The following PTBP1 variants were observed in gnomAD, a reference collection of about 807,000 sequenced individuals.
The protein encoded by PTBP1 is polypyrimidine tract-binding protein 1.
Under a neutral mutation model 59.8 loss-of-function variants are expected in PTBP1, and 8 were observed. That is an observed-to-expected ratio of 0.13 (90% CI 0.08 to 0.24). The LOEUF (loss-of-function observed/expected upper bound fraction) is 0.24, where lower values mean the gene tolerates loss of function less well. Ranked by LOEUF, PTBP1 falls within the 10% of genes least tolerant of loss-of-function variation. The pLI is 1.00. For missense variants in PTBP1, 686 were observed against 767.0 expected, an observed-to-expected ratio of 0.89 and a Z score of 1.25; for synonymous variants, 490 against 320.7, an observed-to-expected ratio of 1.53 and a Z score of -5.64.
chr19:808,197 G>A lies in PTBP1; in HGVS notation c.1154-163G>A. On this transcript the variant is annotated intron_variant, in intron 11 of 14. Coordinates refer to ENST00000356948, the MANE Select transcript of PTBP1 (RefSeq NM_002819.5). The surrounding 1 kb of genome is among the most constrained non-coding windows in gnomAD (Gnocchi z 4.7). Reference sequence around the variant, plus strand: ...GACTTTGCTGAACGGAGCTGCTCCTGTTAGCGCGCCCTGTGGCTGCGAGAC... The same window carrying A: ...GACTTTGCTGAACGGAGCTGCTCCTATTAGCGCGCCCTGTGGCTGCGAGAC... The A allele has an allele frequency of 3.0e-6, 2 of 673,026 alleles. No individual in the cohort carries two copies. Among genetic ancestry groups the A allele is most frequent in the South Asian group, 3.6e-5 (2 of 55,286 alleles). 41.7% of individuals were successfully genotyped at this position (673,026 alleles called of 1,614,324 possible). A position where few individuals can be genotyped will look rare whatever the true frequency, so the allele number is the denominator to read the frequency against.
At position 804,102 on chromosome 19, in the gene PTBP1, T is replaced by C; in HGVS notation, c.182T>C (p.Ile61Thr). Residue 61 changes from isoleucine (I) to threonine (T), a missense_variant, in exon 4 of 15, where the codon ATC becomes ACC. Transcript: ENST00000356948. ...AGTGCAGGCGTCCCCTCTAGAGTGATCCACATCCGGAAGCTCCCCATCGAC... is the reference window on the plus strand; with the variant it reads ...AGTGCAGGCGTCCCCTCTAGAGTGACCCACATCCGGAAGCTCCCCATCGAC... Reference protein sequence around the residue: ...SRSAGVPSRVIHIRKLPIDVT... With the variant: ...SRSAGVPSRVTHIRKLPIDVT... The C allele has an allele frequency of 6.2e-7, 1 of 1,613,976 alleles. No homozygotes were observed. The highest frequency in any genetic ancestry group is 8.5e-7 in the Non-Finnish European group (1 of 1,179,954).
In PTBP1 at chr19:804,921, C is replaced by T. The variant is rs12151090; in HGVS notation, c.699C>T (p.Ser233=). 3.5e-3 allele frequency: 5,678 copies of T among 1,613,778 alleles called. 20 individuals are homozygous for T. The highest frequency in any genetic ancestry group is 4.2e-3 in the Non-Finnish European group (4,952 of 1,179,820). ...QALLQYADPV[S]AQHAKLSLDG... is the part of the protein sequence containing the mutation. ...TGCTGCAGTATGCGGACCCCGTGAG[C>T]GCCCAGCACGCCAAGCTGGTGAGTG... Residue 233 remains serine (S), a synonymous_variant, in exon 7 of 15, where the codon AGC becomes AGT. Transcript: ENST00000356948.
chr19:800,746 A>G (rs543625073), intron 2 of PTBP1, among the ~76,000 whole-genome samples: 8 of 152,206 alleles, frequency 5.3e-5, no homozygotes, highest in Admixed American at 6.5e-5. Context: ...AGCATTTGCA[A>G]CAATCCCTAG....
At chr19:799,875 G>A (rs898726854) in intron 2 of PTBP1, among the ~76,000 whole-genome samples, 1 of 152,212 alleles carries the variant, frequency 6.6e-6, no homozygotes, top group East Asian at 1.9e-4. Context: ...CTATTTGAGT[G>A]GCTAGGATGG....
chr19:797,597 C>T (rs544560281), intron 1 of PTBP1, 92 bp downstream of exon 1: 149 of 919,818 alleles, frequency 1.6e-4, no homozygotes, highest in Admixed American at 5.0e-4. Context: ...CCGATCTCGC[C>T]CCCTCTCGGG....
In PTBP1 at chr19:804,885, G is replaced by C. The variant is rs898720547; in HGVS notation, c.663G>C (p.Gln221His). The change falls in exon 7 of 15, where the codon CAG becomes CAC. Residue 221 changes from glutamine (Q) to histidine (H), a missense_variant. Physicochemically the swap from Gln to His is conservative, Grantham distance 24. Coordinates refer to ENST00000356948, the MANE Select transcript of PTBP1 (RefSeq NM_002819.5). ...LKIITFTKNN[Q>H]FQALLQYADP... ...TCATCACCTTCACCAAGAACAACCA[G>C]TTCCAGGCCCTGCTGCAGTATGCGG... 1.2e-6 allele frequency: 2 copies of C among 1,613,994 alleles called. No individual in the cohort carries two copies. The highest frequency in any genetic ancestry group is 8.5e-7 in the Non-Finnish European group (1 of 1,179,928).
At chr19:798,954 A>C (rs2034204599) in intron 1 of PTBP1, among the ~76,000 whole-genome samples, 1 of 152,166 alleles carries the variant, frequency 6.6e-6, no homozygotes, top group Non-Finnish European at 1.5e-5. Context: ...CTCTGCTGAG[A>C]GGCACCCTCT....
chr19:810,235 G>C (rs1207417372), intron 13 of PTBP1, among the ~76,000 whole-genome samples: 1 of 152,216 alleles, frequency 6.6e-6, no homozygotes, highest in Non-Finnish European at 1.5e-5. Flanking sequence ...TGAACCTGCA[G>C]GCGGAGGTTG....
rs1395083123 is a variant in PTBP1 at position 804,287 on chromosome 19, A to T, written c.289-5A>T. ...AGGGCCCAGCGCTCACTGCCTCCCC[A>T]ACAGGCCTTCATCGAGATGAACACG... is the stretch of plus-strand genomic sequence containing the variant. On this transcript the variant is annotated splice_polypyrimidine_tract_variant and splice_region_variant and intron_variant, in intron 4 of 14. Coordinates refer to ENST00000356948, the MANE Select transcript of PTBP1 (RefSeq NM_002819.5). 6.2e-7 allele frequency: 1 copy of T among 1,613,582 alleles called. No homozygotes were observed. The highest frequency in any genetic ancestry group is 8.5e-7 in the Non-Finnish European group (1 of 1,179,892).
chr19:803,690 A>G (rs1194421215), intron 3 of PTBP1, 54 bp downstream of exon 3: 51 of 1,476,944 alleles, frequency 3.5e-5, no homozygotes, highest in Non-Finnish European at 4.5e-5. Flanking sequence ...TCCCTGGAAC[A>G]ACGTTACGTT....
chr19:806,716 A>G (rs1334456599), intron 10 of PTBP1, 160 bp downstream of exon 10: 3 of 600,982 alleles, frequency 5.0e-6, no homozygotes, highest in East Asian at 7.0e-5. Context: ...CTTTTCCAAG[A>G]TGGCTTGAGT....
chr19:806,596 A>G, intron 10 of PTBP1, 40 bp downstream of exon 10: 2 of 1,462,110 alleles, frequency 1.4e-6, no homozygotes, highest in African/African-American at 1.5e-5. Context: ...TCCTCCCGGA[A>G]GAGCGAGCAG....
At position 810,533 on chromosome 19, in the gene PTBP1, C is replaced by T. The variant is rs375875319; in HGVS notation, c.1464-10C>T. On this transcript the variant is annotated splice_polypyrimidine_tract_variant and intron_variant, in intron 13 of 14. Transcript: ENST00000356948. Reference sequence around the variant, plus strand: ...CGCGGCCCCAGGCTCACGCCTTTCTCCTCCCACAGGCCCTCAGTCTCCGAG... The same window carrying T: ...CGCGGCCCCAGGCTCACGCCTTTCTTCTCCCACAGGCCCTCAGTCTCCGAG... 1.4e-5 allele frequency: 23 copies of T among 1,612,346 alleles called. 1 individual carries two copies. Among genetic ancestry groups the T allele is most frequent in the South Asian group, 2.2e-5 (2 of 90,886 alleles).
At chr19:803,857 G>A (rs1048233516) in intron 3 of PTBP1, among the ~76,000 whole-genome samples, 179 bp from the exon 4 acceptor site, 2 of 152,146 alleles carry the variant, frequency 1.3e-5, no homozygotes, top group Non-Finnish European at 2.9e-5. Flanking sequence ...GTCAGGAGCT[G>A]TCGGGAGCAG....
rs571483393 is a variant in PTBP1, at chr19:811,395, C to G, written c.*569C>G. 6.6e-6 allele frequency: 1 copy of G among 152,502 alleles called. No homozygotes were observed. The highest frequency in any genetic ancestry group is 6.5e-5 in the Admixed American group (1 of 15,290). 9.4% of individuals were successfully genotyped at this position (152,502 alleles called of 1,614,324 possible). A position where few individuals can be genotyped will look rare whatever the true frequency, so the allele number is the denominator to read the frequency against. ...CCCTTCTGCCCCCAGGCGGGCTCCCCGCTGCTCCAGCTGCGGAGCTGGTCG... is the reference window on the plus strand; with the variant it reads ...CCCTTCTGCCCCCAGGCGGGCTCCCGGCTGCTCCAGCTGCGGAGCTGGTCG... On this transcript the variant is annotated 3_prime_UTR_variant, in exon 15 of 15. Transcript: ENST00000356948.
rs569716185 is a variant in PTBP1 at position 810,495 on chromosome 19, G to A, written c.1464-48G>A. ...GAAAGCCTCGCGGACCTGACTGGGC[G>A]CCCCCACCCCCACGCGGCCCCAGGC... is the stretch of plus-strand genomic sequence containing the variant. On this transcript the variant is annotated intron_variant, in intron 13 of 14. Transcript: ENST00000356948. The A allele has an allele frequency of 2.8e-5, 44 of 1,551,052 alleles. No homozygotes were observed. The South Asian group carries it at 3.2e-4, about 11-fold the overall frequency.
chr19:806,073 C>T, intron 9 of PTBP1: 1 of 281,768 alleles, frequency 3.5e-6, no homozygotes, highest in Non-Finnish European at 6.6e-6. Context: ...CATGGGCGCG[C>T]ATGCGCGGTG....
chr19:798,978 C>T (rs1343352866), intron 1 of PTBP1, among the ~76,000 whole-genome samples: 1 of 152,280 alleles, frequency 6.6e-6, no homozygotes, highest in Non-Finnish European at 1.5e-5. Context: ...GGGCCCACCC[C>T]TACCCGGGTG....
Position 799,236 on chromosome 19 carries a change from C to T in PTBP1, c.9-177C>T, listed in dbSNP as rs560241746. 19 of 725,756 alleles carry T rather than the reference C, an allele frequency of 2.6e-5. No individual in the cohort carries two copies. In the East Asian group the frequency reaches 4.7e-4, roughly 18 times the overall value. The allele number at this position is 725,756 out of a possible 1,614,324, so 45.0% of individuals were successfully genotyped here. ...CCTTTTCAAGTTGCAGTCAAGTGGA[C>T]GGCTCACTTCCCTGCCCTTCTGAGC... On this transcript the variant is annotated intron_variant, in intron 1 of 14. Transcript: ENST00000356948.
Sources: gnomAD v4.1 joint callset for allele counts (sites outside exome capture counted in the v4.1 genomes callset) on GRCh38, gnomAD v4.1.1 for gene constraint, Gnocchi (gnomAD v3.1) non-coding constraint, MANE v1.5 for transcripts, NCBI Gene and HGNC (gene_info 2026-07-23, HGNC 2026-07-21) for gene names.